CFAP61: variants seen among roughly 807,000 people sequenced by gnomAD.
The protein encoded by CFAP61 is cilia- and flagella-associated protein 61.
In CFAP61, 107 loss-of-function variants were observed where a neutral mutation model predicts 135.6. The ratio of observed to expected loss-of-function variants is 0.79; its 90% CI spans 0.67 to 0.93. The LOEUF is 0.93. Ranked by LOEUF, CFAP61 falls within the 40% of genes least tolerant of loss-of-function variation. CFAP61 has a pLI of 0.00. For synonymous variants in CFAP61, 575 were observed against 578.5 expected, an observed-to-expected ratio of 0.99 and a Z score of 0.09; for missense variants, 1,507 against 1,556.2, an observed-to-expected ratio of 0.97 and a Z score of 0.53.
chr20:20,179,877 C>T (rs946335727), intron 13 of CFAP61, among the ~76,000 whole-genome samples: 1 of 152,130 alleles, frequency 6.6e-6, no homozygotes, highest in African/African-American at 2.4e-5. Flanking sequence ...AAAATTAACT[C>T]AAGGATTAAA....
chr20:20,085,813 A>G (rs1435984336), intron 6 of CFAP61, among the ~76,000 whole-genome samples: 2 of 152,244 alleles, frequency 1.3e-5, no homozygotes, highest in Admixed American at 6.5e-5. Flanking sequence ...ACGTTTGAAA[A>G]TGGATTTGTT....
chr20:20,067,001 A>T (rs2146556434), intron 2 of CFAP61, among the ~76,000 whole-genome samples: 1 of 152,210 alleles, frequency 6.6e-6, no homozygotes, highest in South Asian at 2.1e-4. Flanking sequence ...TTATTTTCTA[A>T]AATTAGTTAA....
intron 9 of CFAP61, among the ~76,000 whole-genome samples, chr20:20,143,215 C>G (rs2051566108): frequency 6.6e-6 from 1 of 152,200 alleles, no homozygotes; most frequent in South Asian, 2.1e-4. Context: ...TCCCTGACTT[C>G]AGGAGGCTGA....
chr20:20,194,708 G>A (rs1569106108), intron 15 of CFAP61, among the ~76,000 whole-genome samples: 1 of 152,146 alleles, frequency 6.6e-6, no homozygotes, highest in Non-Finnish European at 1.5e-5. Context: ...CTTTTTGATT[G>A]GGAGGGATGG....
At chr20:20,160,006 C>A (rs889680749) in intron 10 of CFAP61, among the ~76,000 whole-genome samples, 1 of 152,160 alleles carries the variant, frequency 6.6e-6, no homozygotes, top group African/African-American at 2.4e-5. Flanking sequence ...GCAGGTGGTC[C>A]GTTGACCACT....
chr20:20,278,904 G>A (rs1456633775), intron 22 of CFAP61, among the ~76,000 whole-genome samples: 1 of 152,168 alleles, frequency 6.6e-6, no homozygotes, highest in Non-Finnish European at 1.5e-5. Context: ...TGTCCTCGAT[G>A]TTAGGGATGT....
chr20:20,169,002 C>T (rs1022298998), intron 12 of CFAP61, among the ~76,000 whole-genome samples: 1 of 152,190 alleles, frequency 6.6e-6, no homozygotes, highest in African/African-American at 2.4e-5. Context: ...CTTGGTGACA[C>T]AAGTGAACTT....
chr20:20,187,977 A>G lies in CFAP61; in HGVS notation c.1433A>G (p.Glu478Gly). ...ACTCTCTTGGATACTCCTGGTGTGG[A>G]AAATCTTGTCAGCACCCTCATGTTG... ...FATLLDTPGV[E>G]NLVSTLMLNK... The change falls in exon 14 of 27, where the codon GAA (glutamate) becomes GGA (glycine). Residue 478 changes from glutamate to glycine, a missense_variant. Transcript: ENST00000245957. 6.2e-7 allele frequency: 1 copy of G among 1,613,640 alleles called. No individual in the cohort carries two copies. Among genetic ancestry groups the G allele is most frequent in the South Asian group, 1.1e-5 (1 of 91,072 alleles).
chr20:20,199,526 T>C (rs992652320), intron 16 of CFAP61, among the ~76,000 whole-genome samples: 1 of 152,174 alleles, frequency 6.6e-6, no homozygotes, highest in African/African-American at 2.4e-5. Context: ...AAACCACTTG[T>C]TTATCTGTCA....
At chr20:20,064,518 A>C (rs942187312) in intron 2 of CFAP61, among the ~76,000 whole-genome samples, 1 of 152,180 alleles carries the variant, frequency 6.6e-6, no homozygotes, top group African/African-American at 2.4e-5. Flanking sequence ...TAAGTGACTC[A>C]TGGGCAGCAG....
At chr20:20,273,041 ATTTT>A (rs998055743) in intron 21 of CFAP61, among the ~76,000 whole-genome samples, 1 of 127,358 alleles carries the variant, frequency 7.9e-6, no homozygotes, top group Admixed American at 8.5e-5. Context: ...GCCATGCTTA[ATTTT>A]TTTTTTTTTT....
At chr20:20,091,051 C>T in intron 7 of CFAP61, 75 bp downstream of exon 7, 2 of 1,525,570 alleles carry the variant, frequency 1.3e-6, no homozygotes, top group Non-Finnish European at 1.8e-6. Context: ...TCTTGCGTTG[C>T]TGGGCACCCC....
At chr20:20,090,781 G>T in intron 6 of CFAP61, 63 bp from the exon 7 acceptor site, 1 of 1,574,366 alleles carries the variant, frequency 6.4e-7, no homozygotes, top group Non-Finnish European at 8.7e-7. Context: ...CACACAGTTG[G>T]TGCCCTGTTG....
intron 8 of CFAP61, among the ~76,000 whole-genome samples, chr20:20,132,999 TA>T (rs1263748150): frequency 6.6e-6 from 1 of 152,200 alleles, no homozygotes; most frequent in African/African-American, 2.4e-5. Flanking sequence ...TTAATGTTCT[TA>T]TGGGTTTTTA....
Position 20,098,742 on chromosome 20 carries a change from C to G in CFAP61, c.787C>G (p.His263Asp), listed in dbSNP as rs1260216926. Residue 263 changes from histidine to aspartate, a missense_variant, in exon 8 of 27, where the codon CAC (histidine) becomes GAC (aspartate). Physicochemically the swap from His to Asp is moderately conservative, Grantham distance 81 (BLOSUM62 -1). Transcript: ENST00000245957. Reference sequence around the variant, plus strand: ...TGAGTGCTTTGACTTGGGCCCTTTCCACGGACTCTGTTTCCCACATCCTGA... The same window carrying G: ...TGAGTGCTTTGACTTGGGCCCTTTCGACGGACTCTGTTTCCCACATCCTGA... ...LHECFDLGPF[H>D]GLCFPHPDDV... 4 of 1,613,878 alleles carry G rather than the reference C, an allele frequency of 2.5e-6. No individual in the cohort carries two copies. The highest frequency in any genetic ancestry group is 3.4e-6 in the Non-Finnish European group (4 of 1,179,994).
chr20:20,159,373 AATATTGCC>A lies in CFAP61; in HGVS notation c.957_964del (p.Asn319LysfsTer18), dbSNP rs1405238005. 2 of 1,613,668 alleles carry A rather than the reference AATATTGCC, an allele frequency of 1.2e-6. No individual in the cohort carries two copies. The highest frequency in any genetic ancestry group is 1.3e-5 in the African/African-American group (1 of 74,914). On this transcript the variant is annotated frameshift_variant, in exon 10 of 27. Transcript: ENST00000245957. LOFTEE classifies it high-confidence loss of function. Reference sequence around the variant, plus strand: ...GTTTTGCTGTCATCATTTCCAGGGAAATATTGCCAGAGAAGCTGCATCCGAGGAAGCTT... The same window carrying A: ...GTTTTGCTGTCATCATTTCCAGGGAAAGAGAAGCTGCATCCGAGGAAGCTT...
intron 10 of CFAP61, among the ~76,000 whole-genome samples, chr20:20,161,235 C>T (rs1375861446): frequency 6.6e-6 from 1 of 152,140 alleles, no homozygotes; most frequent in Admixed American, 6.6e-5. Flanking sequence ...CCGTTATGAA[C>T]CCAAGCAAGG....
intron 24 of CFAP61, among the ~76,000 whole-genome samples, chr20:20,295,549 T>C (rs2055362341): frequency 6.6e-6 from 1 of 152,182 alleles, no homozygotes; most frequent in Non-Finnish European, 1.5e-5. Context: ...ACCCCTGGGT[T>C]CAGAAGCCAA....
intron 20 of CFAP61, 107 bp downstream of exon 20, chr20:20,251,870 C>A (rs1182900338): frequency 1.7e-6 from 2 of 1,156,608 alleles, no homozygotes; most frequent in South Asian, 1.4e-5. Flanking sequence ...CATCCCTCTG[C>A]CTGGACAGCT....
Sources: allele counts gnomAD v4.1 joint callset (sites outside exome capture counted in the v4.1 genomes callset), GRCh38; gene constraint gnomAD v4.1.1; transcripts MANE v1.5; gene names NCBI Gene and HGNC (gene_info 2026-07-23, HGNC 2026-07-21).